Variants in GOSR2 observed in about 807,000 individuals in gnomAD.
GOSR2 encodes the protein 27 kDa Golgi SNARE protein.
GOSR2 carries 20 observed loss-of-function variants against 27.9 expected under a neutral mutation model. The ratio of observed to expected loss-of-function variants is 0.72; its 90% CI spans 0.50 to 1.04. GOSR2 has a LOEUF of 1.04. GOSR2 is among the 50% of genes least tolerant of loss of function. GOSR2 has a pLI of 0.00. For missense variants in GOSR2, 261 were observed against 270.5 expected (o/e 0.97, Z 0.25); for synonymous variants, 91 against 98.8 (o/e 0.92, Z 0.47).
At chr17:46,935,215 C>T (rs749583344) in intron 5 of GOSR2, 46 bp downstream of exon 5, 197 of 1,612,052 alleles carry the variant, frequency 1.2e-4, no homozygotes, top group Non-Finnish European at 1.6e-4. Flanking sequence ...TTGTTTTAGC[C>T]TCATCCAACA....
intron 6 of GOSR2, among the ~76,000 whole-genome samples, chr17:46,962,786 T>C (rs1287118243): frequency 1.3e-5 from 2 of 152,206 alleles, no homozygotes; most frequent in Non-Finnish European, 2.9e-5. Context: ...CCAGTTAACC[T>C]GCAGGATCAT....
Position 46,941,198 on chromosome 17 carries a change from G to A in GOSR2, c.*2438G>A. ...CACTGTAAGAAAAGCCAAACTCCAA[G>A]ACCAAGTAAGTTAGAGGAGTCTTGA... On this transcript the variant is annotated 3_prime_UTR_variant, in exon 6 of 6. Coordinates refer to ENST00000640051, the MANE Select transcript of GOSR2 (RefSeq NM_004287.5). 5 of 1,002,072 alleles carry A rather than the reference G, an allele frequency of 5.0e-6. No individual in the cohort carries two copies. Among genetic ancestry groups the A allele is most frequent in the Non-Finnish European group, 6.0e-6 (5 of 838,312 alleles). 62.1% of individuals were successfully genotyped at this position (1,002,072 alleles called of 1,614,324 possible).
At chr17:46,943,399 T>C (rs2089523198), downstream of GOSR2, among the ~76,000 whole-genome samples, 1 of 151,974 alleles carries the variant, frequency 6.6e-6, no homozygotes, top group Non-Finnish European at 1.5e-5. Context: ...CCGTCCTCCC[T>C]GGACTGCTTG....
At chr17:46,925,230 T>C (rs2086312399) in intron 1 of GOSR2, among the ~76,000 whole-genome samples, 1 of 152,226 alleles carries the variant, frequency 6.6e-6, no homozygotes, top group South Asian at 2.1e-4. Context: ...CCATAGACAA[T>C]ATGTAAACTA....
At chr17:46,931,010 G>C in intron 2 of GOSR2, 89 bp from the exon 3 acceptor site, 2 of 769,220 alleles carry the variant, frequency 2.6e-6, no homozygotes, top group Non-Finnish European at 4.7e-6. Context: ...TAGTTTATTG[G>C]ATATTGAAAA....
intron 6 of GOSR2, among the ~76,000 whole-genome samples, chr17:46,972,838 A>G (rs1178590840): frequency 6.6e-6 from 1 of 152,076 alleles, no homozygotes; most frequent in Non-Finnish European, 1.5e-5. Flanking sequence ...GCAGAGCCTG[A>G]GTTGCCTTCA....
At position 46,966,698 on chromosome 17, in the gene GOSR2, C is replaced by A. The variant is rs1251875497; in HGVS notation, c.748C>A (p.Leu250Ile). The A allele has an allele frequency of 8.0e-6, 4 of 497,932 alleles. No individual in the cohort carries two copies. The East Asian group carries it at 1.0e-4, about 12-fold the overall frequency. 30.8% of individuals were successfully genotyped at this position (497,932 alleles called of 1,614,324 possible). A position where few individuals can be genotyped will look rare whatever the true frequency, so the allele number is the denominator to read the frequency against. The change falls in exon 7 of 7, where the codon CTA becomes ATA. Residue 250 changes from leucine to isoleucine, a missense_variant. Transcript: ENST00000573224. Reference sequence around the variant, plus strand: ...TGGATTTGAACTCTGGTTCTATCAACTATTAGCTGTGATTTCAGATCAGTG... The same window carrying A: ...TGGATTTGAACTCTGGTTCTATCAAATATTAGCTGTGATTTCAGATCAGTG...
chr17:46,933,903 C>T (rs1043051038), intron 4 of GOSR2, among the ~76,000 whole-genome samples: 10 of 150,914 alleles, frequency 6.6e-5, no homozygotes, highest in African/African-American at 2.2e-4. Context: ...TAGGTCAAGG[C>T]TGCTCTCTAT....
At chr17:46,923,612 C>G (rs1193135015) in intron 1 of GOSR2, 2 of 1,258,264 alleles carry the variant, frequency 1.6e-6, no homozygotes, top group East Asian at 6.0e-5. Context: ...TAGGAGTGTA[C>G]TGTTTAATTG....
chr17:46,942,366 G>A (rs939749433), downstream of GOSR2, among the ~76,000 whole-genome samples: 1 of 152,286 alleles, frequency 6.6e-6, no homozygotes, highest in Admixed American at 6.5e-5. Flanking sequence ...TCTCACTTAT[G>A]TTCTCCATCA....
At chr17:46,970,929 C>T (rs903982891), downstream of GOSR2, among the ~76,000 whole-genome samples, 1 of 152,300 alleles carries the variant, frequency 6.6e-6, no homozygotes, top group Non-Finnish European at 1.5e-5. Flanking sequence ...TCTATCGATC[C>T]CTCAAAATAT....
intron 1 of GOSR2, among the ~76,000 whole-genome samples, chr17:46,928,595 G>A (rs2086839261): frequency 2.6e-5 from 4 of 152,094 alleles, no homozygotes; most frequent in Admixed American, 2.6e-4. Context: ...CCAGATCCAG[G>A]GTACAGTGTT....
intron 6 of GOSR2, chr17:46,964,344 C>T (rs1427553712): frequency 1.3e-5 from 2 of 152,324 alleles, no homozygotes; most frequent in African/African-American, 4.8e-5. Flanking sequence ...CTCTCTCCAG[C>T]TGCAAACAGA....
chr17:46,947,862 G>A lies in GOSR2; in HGVS notation c.583+9158G>A, dbSNP rs148125030. The stretch of plus-strand genomic sequence containing the variant: ...CGGCTCACCGTAACCTCCGCCTCCC[G>A]GGTTCAAGCGACTCTCCTGCCTCAG... On this transcript the variant is annotated intron_variant, in intron 6 of 6. Coordinates refer to the GOSR2 transcript ENST00000573224. Among the ~76,000 whole-genome samples, 896 of 152,296 alleles carry A rather than the reference G, an allele frequency of 5.9e-3. 12 individuals carry two copies. Among genetic ancestry groups the A allele is most frequent in the African/African-American group, 0.021 (858 of 41,546 alleles).
At chr17:46,966,567 C>G in exon 7 of GOSR2, 1 of 694,568 alleles carries the variant, frequency 1.4e-6, no homozygotes, top group Non-Finnish European at 2.6e-6. Context: ...CAGAATGGAC[C>G]CGAACTCCTG....
chr17:46,965,707 C>T (rs546949582), intron 6 of GOSR2, among the ~76,000 whole-genome samples: 87 of 152,276 alleles, frequency 5.7e-4, no homozygotes, highest in Middle Eastern at 3.4e-3. Flanking sequence ...GCTGCAGCCT[C>T]GACCTCCTGG....
intron 4 of GOSR2, among the ~76,000 whole-genome samples, chr17:46,934,314 G>A (rs1297540464): frequency 6.6e-6 from 1 of 152,104 alleles, no homozygotes; most frequent in African/African-American, 2.4e-5. Context: ...ACCAGCCTGA[G>A]CAACATGGTG....
At chr17:46,948,230 A>G (rs532158256) in intron 6 of GOSR2, among the ~76,000 whole-genome samples, 2 of 152,324 alleles carry the variant, frequency 1.3e-5, no homozygotes, top group East Asian at 3.8e-4. Flanking sequence ...AATAATGCCC[A>G]TCTCACAGGG....
chr17:46,975,197 A>AG lies in GOSR2; in HGVS notation c.616dup, dbSNP rs1375908012. The AG allele has an allele frequency of 6.6e-6, 1 of 152,100 alleles. No homozygotes were observed. Among genetic ancestry groups the AG allele is most frequent in the Non-Finnish European group, 1.5e-5 (1 of 68,030 alleles). The allele number at this position is 152,100 out of a possible 1,614,324, so 9.4% of individuals were successfully genotyped here. A position where few individuals can be genotyped will look rare whatever the true frequency, so the allele number is the denominator to read the frequency against. ...GGGTCCCCTATCGCTCCTATTTTGT[A>AG]GGTGAGGAAACCGAGGCACAGAGAG... On this transcript the variant is annotated splice_acceptor_variant, in intron 6 of 6. Coordinates refer to the GOSR2 transcript ENST00000640723. LOFTEE classifies it high-confidence loss of function.
Sources: allele counts gnomAD v4.1 joint callset (sites outside exome capture counted in the v4.1 genomes callset), GRCh38; gene constraint gnomAD v4.1.1; transcripts MANE v1.5; gene names NCBI Gene and HGNC (gene_info 2026-07-23, HGNC 2026-07-21).